Variants in AATK observed in about 807,000 individuals in gnomAD.
The protein encoded by AATK is serine/threonine-protein kinase LMTK1.
Under a neutral mutation model 114.3 loss-of-function variants are expected in AATK, and 91 were observed. The ratio of observed to expected loss-of-function variants is 0.80; its 90% CI spans 0.67 to 0.95. The LOEUF (loss-of-function observed/expected upper bound fraction) is 0.95. Ranked by LOEUF, AATK falls within the 40% of genes least tolerant of loss-of-function variation. AATK has a pLI of 0.00. For missense variants in AATK, 2,176 were observed against 1,965.2 expected, an observed-to-expected ratio of 1.11 and a Z score of -2.03; for synonymous variants, 1,075 against 916.5, an observed-to-expected ratio of 1.17 and a Z score of -3.12.
intron 1 of AATK, 49 bp downstream of exon 1, chr17:81,165,889 C>A: frequency 5.2e-6 from 8 of 1,552,700 alleles, no homozygotes; most frequent in Non-Finnish European, 7.0e-6. Flanking sequence ...GCATCACGTC[C>A]GCAGCGGAGG....
At chr17:81,164,520 G>T (rs2061462977) in intron 1 of AATK, among the ~76,000 whole-genome samples, 1 of 152,220 alleles carries the variant, frequency 6.6e-6, no homozygotes, top group Admixed American at 6.5e-5. Context: ...GAATTATTCA[G>T]ATCACAGCTG....
At chr17:81,138,172 CTT>C (rs1440990020) in intron 1 of AATK, among the ~76,000 whole-genome samples, 14 of 144,300 alleles carry the variant, frequency 9.7e-5, no homozygotes, top group Non-Finnish European at 1.5e-4. Flanking sequence ...CACACACACA[CTT>C]ACCCACACAT....
intron 2 of AATK, chr17:81,132,744 C>A: frequency 3.9e-6 from 1 of 255,088 alleles, no homozygotes; most frequent in African/African-American, 2.3e-5. Context: ...CAGCCCCTTC[C>A]CTCAGCACAG....
At chr17:81,146,877 T>C (rs1419982968) in intron 1 of AATK, among the ~76,000 whole-genome samples, 1 of 148,846 alleles carries the variant, frequency 6.7e-6, no homozygotes, top group Non-Finnish European at 1.5e-5. Context: ...GTTTGGTGGA[T>C]GTTAAATCAG....
intron 12 of AATK, among the ~76,000 whole-genome samples, 164 bp from the exon 13 acceptor site, chr17:81,119,744 A>G (rs1427699979): frequency 2.8e-5 from 4 of 144,892 alleles, no homozygotes; most frequent in Non-Finnish European, 6.0e-5. Context: ...TGCAGCACGG[A>G]CAAGGCCCCG....
Position 81,122,771 on chromosome 17 carries a change from C to T in AATK, c.1165G>A (p.Glu389Lys), listed in dbSNP as rs752796773. ...WLQPEQRPTA[E>K]EVHLLLSYLC... is the part of the protein sequence containing the mutation. ...TAGGACAGCAGCAGGTGCACCTCCT[C>T]GGCTGTGGGCCGCTGCTCGGGCTGC... Residue 389 changes from glutamate (E) to lysine (K), a missense_variant, in exon 11 of 14, where the codon GAG (glutamate) becomes AAG (lysine). By Grantham distance (56) the Glu-to-Lys change is moderately conservative. Coordinates refer to ENST00000326724, the MANE Select transcript of AATK (RefSeq NM_001080395.3). 6 of 1,593,562 alleles carry T rather than the reference C, an allele frequency of 3.8e-6. No homozygotes were observed. Among genetic ancestry groups the T allele is most frequent in the Non-Finnish European group, 1.7e-6 (2 of 1,171,896 alleles).
At chr17:81,129,749 C>T (rs554449868) in intron 3 of AATK, among the ~76,000 whole-genome samples, 1 of 152,276 alleles carries the variant, frequency 6.6e-6, no homozygotes, top group Admixed American at 6.5e-5. Context: ...GCAGTACCCC[C>T]TCGGATGGTC....
At chr17:81,128,135 C>A (rs1012232877) in intron 4 of AATK, among the ~76,000 whole-genome samples, 9 of 134,992 alleles carry the variant, frequency 6.7e-5, no homozygotes, top group African/African-American at 2.4e-4. Context: ...CACAAGGTCC[C>A]CCGCTGCCCT....
At chr17:81,128,593 AC>A in intron 3 of AATK, 44 bp from the exon 4 acceptor site, 3 of 1,546,422 alleles carry the variant, frequency 1.9e-6, no homozygotes, top group East Asian at 2.4e-5. Flanking sequence ...TGGCCTCCGC[AC>A]CCCCCAGCTT....
chr17:81,144,573 G>A lies in AATK; in HGVS notation c.56-10072C>T, dbSNP rs137943886. ...AGCCCACAGGGCTCCCTTGAGAGCC[G>A]CCCACCCACTCTCAGTGCCGCACCC... On this transcript the variant is annotated intron_variant, in intron 1 of 13. Coordinates refer to ENST00000326724, the MANE Select transcript of AATK (RefSeq NM_001080395.3). Among the ~76,000 whole-genome samples the A allele has an allele frequency of 2.9e-3, 446 of 152,338 alleles. 5 individuals carry two copies. Among genetic ancestry groups the A allele is most frequent in the African/African-American group, 0.01 (426 of 41,578 alleles).
At chr17:81,161,543 A>T (rs1244360333) in intron 1 of AATK, among the ~76,000 whole-genome samples, 1 of 152,164 alleles carries the variant, frequency 6.6e-6, no homozygotes, top group Non-Finnish European at 1.5e-5. Context: ...AGGCAGGAGC[A>T]CAGTTCCCAG....
chr17:81,137,992 ACACCCCCACACACGTACACG>A (rs1177117671), intron 1 of AATK, among the ~76,000 whole-genome samples: 2 of 150,906 alleles, frequency 1.3e-5, no homozygotes, highest in African/African-American at 4.9e-5. Context: ...ACGCGTGCAC[ACACCCCCACACACGTACACG>A]CACCCACATG....
In AATK at chr17:81,120,216, G is replaced by A; in HGVS notation, c.3720C>T (p.Val1240=). Residue 1240 remains valine (V), a synonymous_variant, in exon 11 of 14, where the codon GTC becomes GTT. Coordinates refer to ENST00000326724, the MANE Select transcript of AATK (RefSeq NM_001080395.3). ...KAVSFFDDVT[V]YLFDQESPTR... is the part of the protein sequence containing the mutation. Reference sequence around the variant, plus strand: ...GGCGGCCCACCTGGTCAAAGAGGTAGACGGTGACGTCGTCGAAGAAGGACA... The same window carrying A: ...GGCGGCCCACCTGGTCAAAGAGGTAAACGGTGACGTCGTCGAAGAAGGACA... 1 of 1,580,952 alleles carries A rather than the reference G, an allele frequency of 6.3e-7. No homozygotes were observed. Among genetic ancestry groups the A allele is most frequent in the Non-Finnish European group, 8.6e-7 (1 of 1,156,986 alleles).
chr17:81,125,740 C>A (rs562465149), intron 7 of AATK: 49 of 368,702 alleles, frequency 1.3e-4, no homozygotes, highest in Non-Finnish European at 2.1e-4. Context: ...GCCTGTCCCT[C>A]CCCACATAAA....
chr17:81,166,121 G>T lies in AATK; in HGVS notation c.-129C>A. On this transcript the variant is annotated 5_prime_UTR_variant, in exon 1 of 14. Transcript: ENST00000326724. ...GAGCGCGCCGGCCCCCGCGCCCCGC[G>T]CCCCCCGCCGCAGCCGCAGAGCCCG... 2.4e-6 allele frequency: 1 copy of T among 415,358 alleles called. No homozygotes were observed. Among genetic ancestry groups the T allele is most frequent in the Non-Finnish European group, 3.2e-6 (1 of 314,014 alleles). 25.7% of individuals were successfully genotyped at this position (415,358 alleles called of 1,614,324 possible).
At position 81,166,067 on chromosome 17, in the gene AATK, C is replaced by CGCA; in HGVS notation, c.-78_-76dup. ...CGCCCGCGGCCCCGGCCCGAGCCGC[C>CGCA]GCATCACCCAGCGGCCGCCGCAGGT... On this transcript the variant is annotated 5_prime_UTR_variant, in exon 1 of 14. Transcript: ENST00000326724. 9.2e-7 allele frequency: 1 copy of CGCA among 1,086,796 alleles called. No homozygotes were observed. The highest frequency in any genetic ancestry group is 1.2e-6 in the Non-Finnish European group (1 of 869,506). 67.3% of individuals were successfully genotyped at this position (1,086,796 alleles called of 1,614,324 possible).
Position 81,121,216 on chromosome 17 carries a change from T to C in AATK, c.2720A>G (p.Asp907Gly), listed in dbSNP as rs1371004313. The change falls in exon 11 of 14, where the codon GAC (aspartate) becomes GGC (glycine). Residue 907 changes from aspartate to glycine, a missense_variant. By Grantham distance (94) the Asp-to-Gly change is moderately conservative. Coordinates refer to ENST00000326724, the MANE Select transcript of AATK (RefSeq NM_001080395.3). ...ACCATCACTGGCTGAGGACGGGATG[T>C]CCAGGGAGTCCAGGGAGTCGGGGGT... Reference protein sequence around the residue: ...VGTPDSLDSLDIPSSASDGGY... With the variant: ...VGTPDSLDSLGIPSSASDGGY... The C allele has an allele frequency of 1.2e-6, 2 of 1,603,770 alleles. No individual in the cohort carries two copies. Among genetic ancestry groups the C allele is most frequent in the South Asian group, 2.2e-5 (2 of 89,464 alleles).
Position 81,122,071 on chromosome 17 carries a change from C to CCCT in AATK, c.1862_1864dup (p.Glu621dup). ...GCCCCAGTCTGCATCCTCCGCTCCT[C>CCCT]CCTCCGCCAGACTCAGGGGCCCCGC... On this transcript the variant is annotated inframe_insertion, in exon 11 of 14. Transcript: ENST00000326724. The CCCT allele has an allele frequency of 6.3e-7, 1 of 1,588,900 alleles. No individual in the cohort carries two copies. The highest frequency in any genetic ancestry group is 8.5e-7 in the Non-Finnish European group (1 of 1,174,892).
chr17:81,131,429 A>G (rs111593777), intron 2 of AATK, among the ~76,000 whole-genome samples: 5 of 152,244 alleles, frequency 3.3e-5, no homozygotes, highest in African/African-American at 1.2e-4. Context: ...CCCCGACCAG[A>G]GGCTCAGTTG....
Sources: allele counts gnomAD v4.1 joint callset (sites outside exome capture counted in the v4.1 genomes callset), GRCh38; gene constraint gnomAD v4.1.1; transcripts MANE v1.5; gene names NCBI Gene and HGNC (gene_info 2026-07-23, HGNC 2026-07-21).